BCL2: variants seen among roughly 807,000 people sequenced by gnomAD.
BCL2 encodes the protein BCL2 apoptosis regulator, also known as apoptosis regulator Bcl-2.
A neutral mutation model predicts 14.2 loss-of-function variants in BCL2; 1 was observed. The ratio of observed to expected loss-of-function variants is 0.07; its 90% CI spans 0.02 to 0.33. The LOEUF (loss-of-function observed/expected upper bound fraction) is 0.33, where lower values mean the gene tolerates loss of function less well. Ranked by LOEUF, BCL2 falls within the 10% of genes least tolerant of loss-of-function variation. BCL2 has a pLI of 0.99. For synonymous variants in BCL2, 151 were observed against 137.2 expected (o/e 1.10, Z -0.70); for missense variants, 247 against 305.9 (o/e 0.81, Z 1.44).
At chr18:63,166,868 CCTT>C (rs1568221297) in intron 2 of BCL2, among the ~76,000 whole-genome samples, 2 of 152,258 alleles carry the variant, frequency 1.3e-5, no homozygotes. Context: ...TCCCTCCCCT[CCTT>C]CTTTCCTTTT....
At chr18:63,150,659 C>G (rs887515250) in intron 2 of BCL2, among the ~76,000 whole-genome samples, 2 of 152,168 alleles carry the variant, frequency 1.3e-5, no homozygotes, top group African/African-American at 4.8e-5. Flanking sequence ...TCTGCTCAGC[C>G]TTCCCGTGAG....
intron 2 of BCL2, among the ~76,000 whole-genome samples, chr18:63,137,317 G>A (rs1240201750): frequency 1.3e-5 from 2 of 152,190 alleles, no homozygotes; most frequent in Non-Finnish European, 2.9e-5. Context: ...CTGTTTACAT[G>A]TCTGCCTTCC....
chr18:63,134,341 C>A (rs1914152635), intron 2 of BCL2, among the ~76,000 whole-genome samples: 1 of 152,150 alleles, frequency 6.6e-6, no homozygotes, highest in Non-Finnish European at 1.5e-5. Context: ...GACAAAAATG[C>A]TGGGAGATGA....
At chr18:63,150,337 A>G (rs1265291812) in intron 2 of BCL2, among the ~76,000 whole-genome samples, 1 of 152,282 alleles carries the variant, frequency 6.6e-6, no homozygotes, top group African/African-American at 2.4e-5. Flanking sequence ...ACCCAGCTGA[A>G]GAGTGGACAC....
At chr18:63,283,113 C>T (rs189756387) in intron 2 of BCL2, among the ~76,000 whole-genome samples, 255 of 152,204 alleles carry the variant, frequency 1.7e-3, no homozygotes, top group Middle Eastern at 6.8e-3. Context: ...GACCTATTTC[C>T]CCTCTTTTGA....
intron 2 of BCL2, among the ~76,000 whole-genome samples, chr18:63,193,212 A>C (rs1419938473): frequency 6.6e-6 from 1 of 152,212 alleles, no homozygotes; most frequent in Admixed American, 6.5e-5. Flanking sequence ...AGAAATGAGG[A>C]TCAATCTACA....
chr18:63,263,820 T>C (rs1006290778), intron 2 of BCL2, among the ~76,000 whole-genome samples: 1 of 152,218 alleles, frequency 6.6e-6, no homozygotes, highest in African/African-American at 2.4e-5. Flanking sequence ...GCCTACCTTC[T>C]GGACTGCTGC....
chr18:63,297,020 G>A (rs1305539030), intron 2 of BCL2, among the ~76,000 whole-genome samples: 3 of 152,118 alleles, frequency 2.0e-5, no homozygotes, highest in South Asian at 2.1e-4. Flanking sequence ...AGACCATCTT[G>A]GTTAACACGG....
At chr18:63,200,087 A>C (rs979610236) in intron 2 of BCL2, among the ~76,000 whole-genome samples, 1 of 152,160 alleles carries the variant, frequency 6.6e-6, no homozygotes, top group African/African-American at 2.4e-5. Context: ...GTTTGGGTTT[A>C]CTTGCCTTCG....
chr18:63,158,859 A>G (rs1379320452), intron 2 of BCL2, among the ~76,000 whole-genome samples: 1 of 152,188 alleles, frequency 6.6e-6, no homozygotes, highest in Non-Finnish European at 1.5e-5. Context: ...AAATCATGTG[A>G]GTATAGATTT....
chr18:63,144,508 C>G (rs1475901742), intron 2 of BCL2, among the ~76,000 whole-genome samples: 3 of 151,830 alleles, frequency 2.0e-5, no homozygotes, highest in African/African-American at 7.3e-5. Context: ...CCAAAGGAAG[C>G]AGAAAAGACA....
Position 63,318,328 on chromosome 18 carries a change from G to C in BCL2, c.339C>G (p.Ala113=), listed in dbSNP as rs769635292. Residue 113 remains alanine, a synonymous_variant, in exon 2 of 3, where the codon GCC becomes GCG. Coordinates refer to ENST00000333681, the MANE Select transcript of BCL2 (RefSeq NM_000633.3). This position sits in a 1 kb window ranked among gnomAD's most constrained non-coding sequence, Gnocchi z 7.4. ...TCAGGTGCAGCTGGCTGGACATCTCGGCGAAGTCGCGGCGGTAGCGGCGGG... is the reference window on the plus strand; with the variant it reads ...TCAGGTGCAGCTGGCTGGACATCTCCGCGAAGTCGCGGCGGTAGCGGCGGG... The part of the protein sequence containing the change: ...DFSRRYRRDF[A]EMSSQLHLTP... 1.9e-6 allele frequency: 3 copies of C among 1,613,156 alleles called. No homozygotes were observed. The highest frequency in any genetic ancestry group is 1.3e-5 in the African/African-American group (1 of 74,914).
intron 2 of BCL2, among the ~76,000 whole-genome samples, chr18:63,213,999 G>A (rs890442423): frequency 6.6e-5 from 10 of 152,322 alleles, no homozygotes; most frequent in African/African-American, 2.4e-4. Flanking sequence ...GATGAACAGA[G>A]CTAAGATGGG....
chr18:63,282,162 G>A (rs1005543484), intron 2 of BCL2, among the ~76,000 whole-genome samples: 6 of 152,148 alleles, frequency 3.9e-5, no homozygotes, highest in African/African-American at 1.2e-4. Context: ...TTAATTAAAA[G>A]GGCATAAATG....
At chr18:63,275,331 T>G (rs965495159) in intron 2 of BCL2, among the ~76,000 whole-genome samples, 2 of 152,100 alleles carry the variant, frequency 1.3e-5, no homozygotes, top group African/African-American at 4.8e-5. Context: ...TTAGATTTCA[T>G]GAAAACACAC....
rs4987846 is a variant in BCL2 at position 63,127,945 on chromosome 18, C to T, written c.*680G>A. Reference sequence around the variant, plus strand: ...TATGATTTAAGGGCATTTTTCCCATCGCTGTCCTTCGGCGTGGAAATCTCA... The same window carrying T: ...TATGATTTAAGGGCATTTTTCCCATTGCTGTCCTTCGGCGTGGAAATCTCA... On this transcript the variant is annotated 3_prime_UTR_variant, in exon 3 of 3. Transcript: ENST00000333681. 1,204 of 225,506 alleles carry T rather than the reference C, an allele frequency of 5.3e-3. 17 individuals are homozygous for T. In the South Asian group the frequency reaches 0.071, roughly 13 times the overall value. 14.0% of individuals were successfully genotyped at this position (225,506 alleles called of 1,614,324 possible).
intron 2 of BCL2, among the ~76,000 whole-genome samples, chr18:63,267,446 T>C (rs776499080): frequency 6.6e-6 from 1 of 152,190 alleles, no homozygotes; most frequent in South Asian, 2.1e-4. Flanking sequence ...TTGACCTAGA[T>C]GGTGGCTAGA....
chr18:63,137,902 G>C (rs1199936482), intron 2 of BCL2, among the ~76,000 whole-genome samples: 1 of 152,220 alleles, frequency 6.6e-6, no homozygotes, highest in Non-Finnish European at 1.5e-5. Context: ...GAGACGACCA[G>C]AGGTCAAAGG....
Position 63,318,580 on chromosome 18 carries a change from C to T in BCL2, c.87G>A (p.Glu29=). 1 of 1,605,264 alleles carries T rather than the reference C, an allele frequency of 6.2e-7. No individual in the cohort carries two copies. ...IHYKLSQRGY[E]WDAGDVGAAP... Reference sequence around the variant, plus strand: ...CGGCGCCCACATCTCCCGCATCCCACTCGTAGCCCCTCTGCGACAGCTTAT... The same window carrying T: ...CGGCGCCCACATCTCCCGCATCCCATTCGTAGCCCCTCTGCGACAGCTTAT... The change falls in exon 2 of 3, where the codon GAG becomes GAA. Residue 29 remains glutamate, a synonymous_variant. Coordinates refer to ENST00000333681, the MANE Select transcript of BCL2 (RefSeq NM_000633.3). This position sits in a 1 kb window ranked among gnomAD's most constrained non-coding sequence, Gnocchi z 7.4.
Sources: allele counts gnomAD v4.1 joint callset (sites outside exome capture counted in the v4.1 genomes callset), GRCh38; gene constraint gnomAD v4.1.1; non-coding constraint Gnocchi (gnomAD v3.1); transcripts MANE v1.5; gene names NCBI Gene and HGNC (gene_info 2026-07-23, HGNC 2026-07-21).